ZMIZ1: variants seen among roughly 807,000 people sequenced by gnomAD.
ZMIZ1 encodes zinc finger MIZ-type containing 1.
A neutral mutation model predicts 113.9 loss-of-function variants in ZMIZ1; 17 were observed. That is an observed-to-expected ratio of 0.15 (90% CI 0.10 to 0.22). The LOEUF (loss-of-function observed/expected upper bound fraction) is 0.22. Among genes scored for constraint, ZMIZ1 ranks in the 10% least tolerant of loss-of-function variants. ZMIZ1 has a pLI of 1.00. For missense variants in ZMIZ1, 1,059 were observed against 1,477.8 expected (o/e 0.72, Z 4.65); for synonymous variants, 607 against 603.1 (o/e 1.01, Z -0.09).
At chr10:79,285,997 G>C (rs1270318450) in intron 8 of ZMIZ1, among the ~76,000 whole-genome samples, 1 of 152,250 alleles carries the variant, frequency 6.6e-6, no homozygotes, top group Non-Finnish European at 1.5e-5. Flanking sequence ...TGGCCTTGGT[G>C]CTTCTGTGGG....
At chr10:79,179,402 G>A (rs1847014162) in intron 4 of ZMIZ1, among the ~76,000 whole-genome samples, 1 of 152,246 alleles carries the variant, frequency 6.6e-6, no homozygotes. Context: ...GAGAGGTGAG[G>A]TAACTAGTAT....
At chr10:79,227,818 G>A (rs1318418889) in intron 7 of ZMIZ1, among the ~76,000 whole-genome samples, 1 of 152,220 alleles carries the variant, frequency 6.6e-6, no homozygotes, top group Non-Finnish European at 1.5e-5. Flanking sequence ...GTTAACTAAG[G>A]TGGGGTAAAT....
At chr10:79,155,361 A>C (rs1390413293) in intron 3 of ZMIZ1, among the ~76,000 whole-genome samples, 2 of 152,150 alleles carry the variant, frequency 1.3e-5, no homozygotes, top group Non-Finnish European at 2.9e-5. Context: ...AACTCAAAGG[A>C]AAGGGAAGCC....
At chr10:79,222,129 C>T (rs766070604) in intron 7 of ZMIZ1, among the ~76,000 whole-genome samples, 1 of 152,306 alleles carries the variant, frequency 6.6e-6, no homozygotes, top group South Asian at 2.1e-4. Context: ...AAAACACAGA[C>T]TGGCTGCTCA....
intron 7 of ZMIZ1, among the ~76,000 whole-genome samples, chr10:79,245,207 C>T (rs1850119527): frequency 6.6e-6 from 1 of 152,220 alleles, no homozygotes; most frequent in South Asian, 2.1e-4. Context: ...CTCAGAGCCC[C>T]TGTGCCTCTC....
At chr10:79,075,601 A>G (rs1842447355) in intron 1 of ZMIZ1, among the ~76,000 whole-genome samples, 1 of 147,718 alleles carries the variant, frequency 6.8e-6, no homozygotes, top group Non-Finnish European at 1.5e-5. Context: ...ACCTGCACAC[A>G]TGCAAACGCA....
intron 7 of ZMIZ1, among the ~76,000 whole-genome samples, chr10:79,221,348 C>G (rs1371857870): frequency 6.6e-6 from 1 of 152,226 alleles, no homozygotes; most frequent in African/African-American, 2.4e-5. Flanking sequence ...AGCCGCCAGG[C>G]AGGCGGCTCC....
chr10:79,185,643 G>A (rs1281160874), intron 4 of ZMIZ1, among the ~76,000 whole-genome samples: 2 of 152,126 alleles, frequency 1.3e-5, no homozygotes, highest in African/African-American at 4.8e-5. Context: ...TCCCTCAACA[G>A]TGGCTTGAAA....
chr10:79,243,668 G>A (rs1850009222), intron 7 of ZMIZ1: 1 of 301,496 alleles, frequency 3.3e-6, no homozygotes, highest in South Asian at 2.3e-5. Flanking sequence ...GTCGCTCGCC[G>A]CGGCCGCCGC....
At chr10:79,292,923 T>C in intron 11 of ZMIZ1, 1 of 462,552 alleles carries the variant, frequency 2.2e-6, no homozygotes, top group East Asian at 6.7e-5. Context: ...TGAGGCCAAC[T>C]TTGGGGATGG....
At chr10:79,264,865 G>T (rs948530681) in intron 7 of ZMIZ1, among the ~76,000 whole-genome samples, 2 of 152,336 alleles carry the variant, frequency 1.3e-5, no homozygotes, top group African/African-American at 2.4e-5. Flanking sequence ...TTCCCTTTCT[G>T]TGGACAACAC....
At chr10:79,286,728 T>G (rs1853111003) in intron 8 of ZMIZ1, among the ~76,000 whole-genome samples, 1 of 152,246 alleles carries the variant, frequency 6.6e-6, no homozygotes, top group Non-Finnish European at 1.5e-5. Flanking sequence ...AGGAGCTGGT[T>G]TCCGCCCACA....
intron 2 of ZMIZ1, among the ~76,000 whole-genome samples, chr10:79,127,593 T>C (rs915509299): frequency 2.6e-5 from 4 of 152,066 alleles, no homozygotes; most frequent in Non-Finnish European, 2.9e-5. Flanking sequence ...GGTGGCGTTT[T>C]CCAGAGGGGG....
intron 4 of ZMIZ1, among the ~76,000 whole-genome samples, chr10:79,176,260 GC>G (rs1348453913): frequency 1.3e-5 from 2 of 152,104 alleles, no homozygotes; most frequent in Non-Finnish European, 2.9e-5. Context: ...TGTGAGTGGA[GC>G]CCCCTCCAGC....
At chr10:79,088,173 G>A (rs926111155) in intron 1 of ZMIZ1, among the ~76,000 whole-genome samples, 28 of 152,330 alleles carry the variant, frequency 1.8e-4, no homozygotes, top group African/African-American at 6.0e-4. Context: ...AGGCTCCCAG[G>A]AGCGCTTTGT....
chr10:79,075,576 C>T (rs72816222), intron 1 of ZMIZ1, among the ~76,000 whole-genome samples: 2 of 149,262 alleles, frequency 1.3e-5, no homozygotes, highest in South Asian at 2.1e-4. Flanking sequence ...CATGCACACA[C>T]ATGCACACAT....
chr10:79,232,245 T>C (rs1849423641), intron 7 of ZMIZ1, among the ~76,000 whole-genome samples: 1 of 152,164 alleles, frequency 6.6e-6, no homozygotes, highest in Non-Finnish European at 1.5e-5. Context: ...CTCAGTGTCT[T>C]ATTTGCTACA....
intron 2 of ZMIZ1, among the ~76,000 whole-genome samples, chr10:79,132,333 C>G (rs913196066): frequency 2.0e-5 from 3 of 152,108 alleles, no homozygotes; most frequent in Non-Finnish European, 4.4e-5. Flanking sequence ...GGCAGGGGAG[C>G]TACTCTGATC....
intron 4 of ZMIZ1, among the ~76,000 whole-genome samples, chr10:79,163,519 A>G (rs1311378715): frequency 6.6e-6 from 1 of 152,182 alleles, no homozygotes; most frequent in Non-Finnish European, 1.5e-5. Flanking sequence ...GTCAGGCACT[A>G]TGCTCCTTTA....
Sources: allele counts gnomAD v4.1 joint callset (sites outside exome capture counted in the v4.1 genomes callset), GRCh38; gene constraint gnomAD v4.1.1; transcripts MANE v1.5; gene names NCBI Gene and HGNC (gene_info 2026-07-23, HGNC 2026-07-21).